Variants in EPHA6 observed in about 807,000 individuals in gnomAD.
EPHA6 encodes the protein ephrin type-A receptor 6.
Under a neutral mutation model 112.0 loss-of-function variants are expected in EPHA6, and 50 were observed. That is an observed-to-expected ratio of 0.45 (90% CI 0.36 to 0.56). The LOEUF (loss-of-function observed/expected upper bound fraction) is 0.56. Among genes scored for constraint, EPHA6 ranks in the 20% least tolerant of loss-of-function variants. The pLI is 0.00. For missense variants in EPHA6, 1,280 were observed against 1,417.4 expected, an observed-to-expected ratio of 0.90 and a Z score of 1.56; for synonymous variants, 529 against 490.7, an observed-to-expected ratio of 1.08 and a Z score of -1.03.
intron 15 of EPHA6, among the ~76,000 whole-genome samples, chr3:97,733,182 G>C (rs1006891595): frequency 6.6e-6 from 1 of 152,070 alleles, no homozygotes; most frequent in African/African-American, 2.4e-5. Flanking sequence ...GTCTACAGGA[G>C]TTGTCTGAAG....
At chr3:97,616,856 T>C (rs1186778394) in intron 13 of EPHA6, among the ~76,000 whole-genome samples, 4 of 152,068 alleles carry the variant, frequency 2.6e-5, no homozygotes, top group East Asian at 1.9e-4. Context: ...AGAAAACATA[T>C]TTCAGAATAT....
At chr3:97,602,376 G>A (rs2093650021) in intron 12 of EPHA6, among the ~76,000 whole-genome samples, 1 of 151,918 alleles carries the variant, frequency 6.6e-6, no homozygotes, top group Admixed American at 6.6e-5. Flanking sequence ...ATATCCCAGG[G>A]AGCAACACAG....
At position 97,324,414 on chromosome 3, in the gene EPHA6, T is replaced by C. The variant is rs113920972; in HGVS notation, c.1606+80127T>C. 7.3e-3 allele frequency among the ~76,000 whole-genome samples: 832 copies of C among 113,716 alleles called. 9 individuals are homozygous for C. Among genetic ancestry groups the C allele is most frequent in the African/African-American group, 0.027 (682 of 25,640 alleles). 74.6% of individuals were successfully genotyped at this position (113,716 alleles called of 152,430 possible). A position where few individuals can be genotyped will look rare whatever the true frequency, so the allele number is the denominator to read the frequency against. ...TTCTTTGCTTTCCTTCTTTTCTTTCTTTCTTTCTTTCTTTCTTTCTTTCTT... is the reference window on the plus strand; with the variant it reads ...TTCTTTGCTTTCCTTCTTTTCTTTCCTTCTTTCTTTCTTTCTTTCTTTCTT... On this transcript the variant is annotated intron_variant, in intron 5 of 17. Transcript: ENST00000389672.
chr3:97,447,641 C>A, intron 6 of EPHA6: 1 of 308,584 alleles, frequency 3.2e-6, no homozygotes, highest in Non-Finnish European at 4.9e-6. Context: ...CAATCTCTTA[C>A]ATGGACAGGT....
At chr3:97,656,692 T>C (rs1412229303) in intron 14 of EPHA6, among the ~76,000 whole-genome samples, 2 of 151,952 alleles carry the variant, frequency 1.3e-5, no homozygotes, top group Non-Finnish European at 2.9e-5. Flanking sequence ...TCATGATTTA[T>C]TGCAGGAAAG....
intron 3 of EPHA6, among the ~76,000 whole-genome samples, chr3:97,184,667 C>G (rs931670645): frequency 3.3e-5 from 5 of 152,128 alleles, no homozygotes; most frequent in Admixed American, 3.3e-4. Flanking sequence ...TCAATGCCAT[C>G]CCCATCAAGC....
intron 5 of EPHA6, among the ~76,000 whole-genome samples, chr3:97,254,937 C>T (rs755712048): frequency 2.6e-5 from 4 of 152,138 alleles, no homozygotes; most frequent in Non-Finnish European, 5.9e-5. Flanking sequence ...GACAGGAACA[C>T]CATCAGTAGA....
intron 3 of EPHA6, among the ~76,000 whole-genome samples, chr3:97,107,884 G>T (rs544712469): frequency 2.6e-5 from 4 of 151,934 alleles, no homozygotes; most frequent in Non-Finnish European, 5.9e-5. Context: ...TCAGCCTAAG[G>T]ATCTCATTGT....
chr3:97,725,194 T>C (rs2034706363), intron 15 of EPHA6, among the ~76,000 whole-genome samples: 1 of 152,134 alleles, frequency 6.6e-6, no homozygotes, highest in African/African-American at 2.4e-5. Flanking sequence ...TCTGCTTCTT[T>C]ACATTCCAGG....
intron 14 of EPHA6, among the ~76,000 whole-genome samples, chr3:97,655,976 T>A (rs1337943889): frequency 6.7e-6 from 1 of 149,038 alleles, no homozygotes; most frequent in Non-Finnish European, 1.5e-5. Context: ...CCTCAAAATG[T>A]TTTTTTTTTA....
At chr3:97,223,364 A>C (rs1306617016) in intron 3 of EPHA6, among the ~76,000 whole-genome samples, 1 of 152,176 alleles carries the variant, frequency 6.6e-6, no homozygotes, top group Non-Finnish European at 1.5e-5. Flanking sequence ...GGCTTCATTA[A>C]TTTGGTGACA....
intron 14 of EPHA6, among the ~76,000 whole-genome samples, chr3:97,715,591 T>C (rs769957384): frequency 2.6e-5 from 4 of 152,184 alleles, no homozygotes; most frequent in Non-Finnish European, 5.9e-5. Context: ...TTTTAAGTGT[T>C]CTTGCTTCTC....
intron 5 of EPHA6, among the ~76,000 whole-genome samples, chr3:97,400,919 C>G (rs548149614): frequency 6.6e-6 from 1 of 151,676 alleles, no homozygotes; most frequent in South Asian, 2.1e-4. Flanking sequence ...CTTTCTCTTG[C>G]TTAATTGTTC....
chr3:97,576,754 T>A (rs1383679974), intron 11 of EPHA6, among the ~76,000 whole-genome samples: 2 of 152,128 alleles, frequency 1.3e-5, no homozygotes, highest in Non-Finnish European at 2.9e-5. Context: ...CACTTATTAA[T>A]CACAATTCAA....
chr3:97,017,114 C>T lies in EPHA6; in HGVS notation c.1114+29121C>T, dbSNP rs546787856. On this transcript the variant is annotated intron_variant, in intron 3 of 17. Transcript: ENST00000389672. ...GGACACCAATTTAACAACTATCTAC[C>T]CAAAATAAGCACCTTCATAAGAACC... is the stretch of plus-strand genomic sequence containing the variant. Among the ~76,000 whole-genome samples, 43 of 152,172 alleles carry T rather than the reference C, an allele frequency of 2.8e-4. No individual in the cohort carries two copies. In the South Asian group the frequency reaches 8.7e-3, roughly 31 times the overall value.
rs1252436293 is a variant in EPHA6, at chr3:97,614,526, T to G, written c.2574+3672T>G. On this transcript the variant is annotated intron_variant, in intron 13 of 17. Coordinates refer to ENST00000389672, the MANE Select transcript of EPHA6 (RefSeq NM_001080448.3). ...ATTTTTTTTTTTTTTTTTTTTTTTT[T>G]GTATTTTAGAAGAGACGGGGTTTCA... is the stretch of plus-strand genomic sequence containing the variant. 5.5e-5 allele frequency among the ~76,000 whole-genome samples: 8 copies of G among 145,038 alleles called. No individual in the cohort carries two copies. In the East Asian group the frequency reaches 7.9e-4, roughly 14 times the overall value.
intron 5 of EPHA6, among the ~76,000 whole-genome samples, chr3:97,396,146 A>G (rs1289568473): frequency 2.0e-5 from 3 of 151,606 alleles, no homozygotes; most frequent in East Asian, 3.9e-4. Flanking sequence ...TATAAGGTCT[A>G]TCTTCATACT....
At position 97,173,029 on chromosome 3, in the gene EPHA6, G is replaced by A. The variant is rs190000549; in HGVS notation, c.1115-53235G>A. The stretch of plus-strand genomic sequence containing the variant: ...TGGGATGTGATTTTATGCTTTAGTT[G>A]ACTTGCCATGTTTTGTCATTTTTTT... On this transcript the variant is annotated intron_variant, in intron 3 of 17. Coordinates refer to ENST00000389672, the MANE Select transcript of EPHA6 (RefSeq NM_001080448.3). 2.0e-3 allele frequency among the ~76,000 whole-genome samples: 303 copies of A among 151,916 alleles called. 1 individual carries two copies. Among genetic ancestry groups the A allele is most frequent in the Middle Eastern group, 6.8e-3 (2 of 294 alleles).
chr3:97,467,795 T>A (rs1238315573), intron 7 of EPHA6, among the ~76,000 whole-genome samples: 1 of 151,740 alleles, frequency 6.6e-6, no homozygotes, highest in African/African-American at 2.4e-5. Context: ...TTTTCTTTGT[T>A]CTTTGAAATT....
Sources: gnomAD v4.1 joint callset for allele counts (sites outside exome capture counted in the v4.1 genomes callset) on GRCh38, gnomAD v4.1.1 for gene constraint, MANE v1.5 for transcripts, NCBI Gene and HGNC (gene_info 2026-07-23, HGNC 2026-07-21) for gene names.